The following MTM1 variants were observed in gnomAD, a reference collection of about 807,000 sequenced individuals.
MTM1 encodes the protein myotubularin 1.
MTM1 carries 9 observed loss-of-function variants against 52.1 expected under a neutral mutation model. The observed-to-expected ratio is 0.17, with a 90% CI of 0.10 to 0.30. MTM1 has a LOEUF of 0.30. Ranked by LOEUF, MTM1 falls within the 10% of genes least tolerant of loss-of-function variation. The pLI, the probability that MTM1 is intolerant of heterozygous loss-of-function variation, is 1.00. For missense variants in MTM1, 277 were observed against 470.7 expected (o/e 0.59, Z 3.81); for synonymous variants, 136 against 163.8 (o/e 0.83, Z 1.29).
intron 1 of MTM1, among the ~76,000 whole-genome samples, chrX:150,579,663 A>C (rs1453575104): frequency 2.0e-5 from 2 of 102,472 alleles, no homozygotes; most frequent in Non-Finnish European, 4.0e-5. Flanking sequence ...TGCCCAGCTA[A>C]TTTTTTTTTT....
At chrX:150,582,346 A>G (rs1478126471) in intron 1 of MTM1, among the ~76,000 whole-genome samples, 1 of 112,301 alleles carries the variant, frequency 8.9e-6, no homozygotes, top group Non-Finnish European at 1.9e-5. Flanking sequence ...GCTTATGGAT[A>G]GATTGACAAA....
At chrX:150,587,000 A>G (rs2038801269) in intron 1 of MTM1, among the ~76,000 whole-genome samples, 1 of 110,040 alleles carries the variant, frequency 9.1e-6, no homozygotes, top group African/African-American at 3.3e-5. Context: ...CTGCTGTGCT[A>G]TAATTTTACC....
At chrX:150,650,789 C>T (rs1204152041) in intron 10 of MTM1, among the ~76,000 whole-genome samples, 1 of 111,945 alleles carries the variant, frequency 8.9e-6, no homozygotes, top group Non-Finnish European at 1.9e-5. Flanking sequence ...GCTGACAGAA[C>T]ATTTTCCTAA....
chrX:150,602,526 A>AAAG (rs1431301342), intron 4 of MTM1, among the ~76,000 whole-genome samples: 5 of 112,432 alleles, frequency 4.4e-5, no homozygotes, highest in Non-Finnish European at 9.4e-5. Context: ...CTCAGAGGGC[A>AAAG]AAGGCCTAGT....
chrX:150,667,138 G>A (rs782456283), intron 14 of MTM1, among the ~76,000 whole-genome samples: 11 of 112,011 alleles, frequency 9.8e-5, no homozygotes, highest in African/African-American at 6.5e-5. Flanking sequence ...GAGTCAAGGC[G>A]CAAGTCCTTA....
At chrX:150,668,763 C>A (rs1451590154) in intron 14 of MTM1, among the ~76,000 whole-genome samples, 2 of 111,428 alleles carry the variant, frequency 1.8e-5, no homozygotes, top group Non-Finnish European at 3.8e-5. Flanking sequence ...CATTCTTCAT[C>A]AGTGCATTGT....
chrX:150,565,568 G>A (rs781902365), upstream of MTM1, among the ~76,000 whole-genome samples: 2 of 111,584 alleles, frequency 1.8e-5, no homozygotes, highest in South Asian at 3.8e-4. Context: ...GAGGCCAAGG[G>A]AGAAGTAGCA....
At chrX:150,663,322 T>G in intron 13 of MTM1, 111 bp from the exon 14 acceptor site, 1 of 836,380 alleles carries the variant, frequency 1.2e-6, no homozygotes, top group Non-Finnish European at 1.8e-6. Flanking sequence ...ATAATGTAAA[T>G]GTGTGATTCA....
At chrX:150,603,747 C>T in intron 4 of MTM1, among the ~76,000 whole-genome samples, 1 of 112,238 alleles carries the variant, frequency 8.9e-6, no homozygotes, top group East Asian at 2.8e-4. Flanking sequence ...AAACCTGACT[C>T]TGAAGCTTCT....
chrX:150,653,156 A>G (rs901736085), intron 10 of MTM1, among the ~76,000 whole-genome samples: 1 of 111,865 alleles, frequency 8.9e-6, no homozygotes, highest in Non-Finnish European at 1.9e-5. Context: ...ACTTGTAATG[A>G]TATCTGACTC....
intron 1 of MTM1, among the ~76,000 whole-genome samples, chrX:150,575,643 C>T (rs1557411624): frequency 9.0e-6 from 1 of 111,682 alleles, no homozygotes; most frequent in Non-Finnish European, 1.9e-5. Flanking sequence ...TGGCATCATG[C>T]CTGGAGTTTC....
At chrX:150,663,669 A>T in intron 14 of MTM1, 60 bp downstream of exon 14, 1 of 1,058,416 alleles carries the variant, frequency 9.4e-7, no homozygotes. Flanking sequence ...AGATAATGTT[A>T]TTTGGTATGG....
intron 8 of MTM1, 98 bp from the exon 9 acceptor site, chrX:150,645,585 C>A: frequency 1.2e-6 from 1 of 812,017 alleles, no homozygotes; most frequent in Non-Finnish European, 1.9e-6. Context: ...ATCAGATTCA[C>A]TTCTTGATAA....
chrX:150,608,790 C>T (rs782470373), intron 4 of MTM1, among the ~76,000 whole-genome samples: 1 of 109,823 alleles, frequency 9.1e-6, no homozygotes, highest in Non-Finnish European at 1.9e-5. Context: ...AACATCTCCC[C>T]ATTGCCTTCC....
chrX:150,606,770 C>G (rs1328706569), intron 4 of MTM1, among the ~76,000 whole-genome samples: 1 of 109,711 alleles, frequency 9.1e-6, no homozygotes, highest in African/African-American at 3.3e-5. Context: ...TCCTTCCCCC[C>G]GCTCTGTGAA....
chrX:150,662,469 G>A (rs1215157898), intron 13 of MTM1, among the ~76,000 whole-genome samples: 6 of 110,969 alleles, frequency 5.4e-5, no homozygotes, highest in Admixed American at 1.9e-4. Context: ...GACTACAGGC[G>A]CCTGCCACCA....
chrX:150,598,389 GT>G (rs1233863009), intron 3 of MTM1, among the ~76,000 whole-genome samples: 4 of 112,163 alleles, frequency 3.6e-5, no homozygotes, highest in African/African-American at 1.3e-4. Context: ...TGGAGGTGGT[GT>G]GGCCCCACTA....
intron 4 of MTM1, among the ~76,000 whole-genome samples, chrX:150,608,635 TA>T (rs1313953077): frequency 8.9e-6 from 1 of 111,966 alleles, no homozygotes; most frequent in Non-Finnish European, 1.9e-5. Flanking sequence ...TGGCCTCACA[TA>T]CATATTTTGT....
chrX:150,593,871 G>A (rs1454297491), intron 2 of MTM1, among the ~76,000 whole-genome samples: 3 of 110,395 alleles, frequency 2.7e-5, no homozygotes, highest in African/African-American at 9.9e-5. Context: ...GGAGGCTGAG[G>A]TGGGAGATTG....
Sources: gnomAD v4.1 joint callset for allele counts (sites outside exome capture counted in the v4.1 genomes callset) on GRCh38, gnomAD v4.1.1 for gene constraint, MANE v1.5 for transcripts, NCBI Gene and HGNC (gene_info 2026-07-23, HGNC 2026-07-21) for gene names.